The following NBDY variants were observed in gnomAD, a reference collection of about 807,000 sequenced individuals.
The protein encoded by NBDY is P-body dissociating protein.
At chrX:56,758,406 C>T (rs1459356150) in intron 2 of NBDY, among the ~76,000 whole-genome samples, 4 of 110,421 alleles carry the variant, frequency 3.6e-5, no homozygotes, top group Middle Eastern at 8.5e-3. Flanking sequence ...AGAACAGGGT[C>T]GAGAAAGGCA....
intron 2 of NBDY, among the ~76,000 whole-genome samples, chrX:56,799,989 AG>A (rs1250143852): frequency 9.7e-6 from 1 of 102,613 alleles, no homozygotes; most frequent in Non-Finnish European, 2.0e-5. Context: ...GGGCAGTGTG[AG>A]GGGGTAAAGG....
chrX:56,766,653 G>C (rs1329154039), intron 2 of NBDY, among the ~76,000 whole-genome samples: 3 of 111,949 alleles, frequency 2.7e-5, no homozygotes, highest in African/African-American at 9.8e-5. Context: ...CTCCAGGCCT[G>C]AGTCATTATG....
chrX:56,760,078 G>T (rs867482610), intron 2 of NBDY, among the ~76,000 whole-genome samples: 11 of 112,477 alleles, frequency 9.8e-5, no homozygotes, highest in African/African-American at 3.6e-4. Flanking sequence ...TGAGGCTGCC[G>T]GGTTGTTCTG....
intron 2 of NBDY, among the ~76,000 whole-genome samples, chrX:56,757,419 TA>T (rs2069616801): frequency 8.9e-6 from 1 of 112,325 alleles, no homozygotes; most frequent in Non-Finnish European, 1.9e-5. Context: ...TTGTAACCAC[TA>T]AACACACTAA....
chrX:56,747,765 A>G (rs1468475692), intron 2 of NBDY, among the ~76,000 whole-genome samples: 1 of 111,855 alleles, frequency 8.9e-6, no homozygotes, highest in African/African-American at 3.3e-5. Context: ...GAAAATCCCG[A>G]CAAAAAGTGA....
At chrX:56,785,853 T>C (rs977208330) in intron 2 of NBDY, among the ~76,000 whole-genome samples, 3 of 111,722 alleles carry the variant, frequency 2.7e-5, no homozygotes, top group Non-Finnish European at 5.6e-5. Flanking sequence ...GATTCCCTCC[T>C]TTCACTTTTT....
intron 2 of NBDY, among the ~76,000 whole-genome samples, chrX:56,756,086 A>G (rs1442640374): frequency 1.0e-5 from 1 of 99,352 alleles, no homozygotes; most frequent in African/African-American, 3.7e-5. Context: ...GTGGGAATTG[A>G]ACAATGAGAA....
intron 2 of NBDY, among the ~76,000 whole-genome samples, chrX:56,799,560 T>TG (rs1159882910): frequency 8.8e-6 from 1 of 113,274 alleles, no homozygotes; most frequent in Non-Finnish European, 1.9e-5. Context: ...AACCCTGGCT[T>TG]GGGCCTAGTC....
chrX:56,805,580 G>A (rs1008329734), intron 2 of NBDY, among the ~76,000 whole-genome samples: 11 of 112,012 alleles, frequency 9.8e-5, no homozygotes, highest in East Asian at 5.7e-4. Context: ...TGCAGGATGG[G>A]GTGGTGGTGG....
chrX:56,737,458 C>T (rs1461043482), intron 2 of NBDY: 2 of 705,490 alleles, frequency 2.8e-6, no homozygotes, highest in Admixed American at 4.7e-5. Flanking sequence ...TGTCTTCATC[C>T]TCATATATTG....
chrX:56,782,855 C>G (rs1484846048), intron 2 of NBDY, among the ~76,000 whole-genome samples: 3 of 111,885 alleles, frequency 2.7e-5, no homozygotes, highest in Admixed American at 9.4e-5. Flanking sequence ...ACAATACATA[C>G]ACTCACAAGG....
At chrX:56,788,168 CCT>C (rs2069740685) in intron 2 of NBDY, among the ~76,000 whole-genome samples, 1 of 112,617 alleles carries the variant, frequency 8.9e-6, no homozygotes, top group Non-Finnish European at 1.9e-5. Flanking sequence ...GCTAGAGTCC[CCT>C]GAGTTTGGTT....
At position 56,737,494 on chromosome X, in the gene NBDY, A is replaced by G. The variant is rs1006644498; in HGVS notation, c.*166+5295A>G. 6.2e-5 allele frequency: 57 copies of G among 923,166 alleles called. No homozygotes were observed. In the Admixed American group the frequency reaches 1.3e-3, roughly 21 times the overall value. 76.1% of individuals were successfully genotyped at this position (923,166 alleles called of 1,213,427 possible). Reference sequence around the variant, plus strand: ...TATCATCTCTCATTAACCCCAGTTTATTGAATCCTGCAGTATTGTAATACC... The same window carrying G: ...TATCATCTCTCATTAACCCCAGTTTGTTGAATCCTGCAGTATTGTAATACC... On this transcript the variant is annotated intron_variant, in intron 2 of 2. Transcript: ENST00000374922.
Position 56,742,736 on chromosome X carries a change from G to T in NBDY, c.*166+10537G>T, listed in dbSNP as rs1050014479. On this transcript the variant is annotated intron_variant, in intron 2 of 2. Coordinates refer to ENST00000374922, the MANE Select transcript of NBDY (RefSeq NM_001348129.2). ...CTTATAGTTTTTGTGGAATCTTTAT[G>T]CTTTTCCAAACACAAGATCAAATCC... Among the ~76,000 whole-genome samples the T allele has an allele frequency of 3.6e-5, 4 of 111,598 alleles. No individual in the cohort carries two copies. The Admixed American group carries it at 3.8e-4, about 11-fold the overall frequency.
intron 1 of NBDY, among the ~76,000 whole-genome samples, chrX:56,729,948 A>G (rs1175853939): frequency 9.2e-6 from 1 of 109,236 alleles, no homozygotes; most frequent in Non-Finnish European, 1.9e-5. Context: ...GTAGGGATTT[A>G]TTATATTATT....
intron 2 of NBDY, among the ~76,000 whole-genome samples, chrX:56,791,987 AT>A (rs570014638): frequency 2.4e-3 from 175 of 72,858 alleles, no homozygotes; most frequent in South Asian, 0.016. Flanking sequence ...TTTCTTTTTA[AT>A]TTTTTTTTCT....
At chrX:56,789,034 G>T in intron 2 of NBDY, among the ~76,000 whole-genome samples, 1 of 112,028 alleles carries the variant, frequency 8.9e-6, no homozygotes, top group South Asian at 3.7e-4. Flanking sequence ...TCTTCCTCTG[G>T]GTGGCACTGT....
chrX:56,766,686 C>A (rs745351445), intron 2 of NBDY, among the ~76,000 whole-genome samples: 5 of 111,840 alleles, frequency 4.5e-5, no homozygotes, highest in Non-Finnish European at 9.4e-5. Context: ...CAACTAGGGC[C>A]TTCTCCTGAG....
intron 2 of NBDY, among the ~76,000 whole-genome samples, chrX:56,752,538 G>T (rs897208605): frequency 9.0e-6 from 1 of 111,597 alleles, no homozygotes; most frequent in East Asian, 2.8e-4. Context: ...TGAGGAAAGA[G>T]ATATTGAAAC....
Sources: allele counts gnomAD v4.1 joint callset (sites outside exome capture counted in the v4.1 genomes callset), GRCh38; gene constraint gnomAD v4.1.1; transcripts MANE v1.5; gene names NCBI Gene and HGNC (gene_info 2026-07-23, HGNC 2026-07-21).